Variants in TRERF1 observed in about 807,000 individuals in gnomAD.
TRERF1 encodes the protein transcriptional regulating factor 1, also known as transcriptional-regulating factor 1.
A neutral mutation model predicts 122.9 loss-of-function variants in TRERF1; 27 were observed. That is an observed-to-expected ratio of 0.22 (90% CI 0.16 to 0.30). The LOEUF (loss-of-function observed/expected upper bound fraction) is 0.30. Ranked by LOEUF, TRERF1 falls within the 10% of genes least tolerant of loss-of-function variation. The pLI is 1.00. For missense variants in TRERF1, 1,248 were observed against 1,560.3 expected (o/e 0.80, Z 3.37); for synonymous variants, 636 against 641.7 (o/e 0.99, Z 0.13).
At chr6:42,255,066 C>G in intron 12 of TRERF1, 140 bp from the exon 13 acceptor site, 1 of 717,864 alleles carries the variant, frequency 1.4e-6, no homozygotes, top group South Asian at 1.6e-5. Context: ...CAGAGGGAGA[C>G]TCCCCTAACT....
chr6:42,452,050 C>T (rs1029391253), upstream of TRERF1: 3 of 152,700 alleles, frequency 2.0e-5, no homozygotes, highest in Admixed American at 1.3e-4. Context: ...CTCGCCCCCT[C>T]CCTTAACCCT....
intron 2 of TRERF1, among the ~76,000 whole-genome samples, chr6:42,411,938 GTTTTTCATTTGGGGATTCTT>G (rs949732408): frequency 6.7e-6 from 1 of 149,380 alleles, no homozygotes; most frequent in Non-Finnish European, 1.5e-5. Flanking sequence ...CGTGGATTCT[GTTTTTCATTTGGGGATTCTT>G]TGCCTTAACA....
At chr6:42,231,697 G>A (rs2149479373) in intron 17 of TRERF1, among the ~76,000 whole-genome samples, 1 of 152,316 alleles carries the variant, frequency 6.6e-6, no homozygotes, top group East Asian at 1.9e-4. Context: ...GAAGTACACT[G>A]GAATTCTCTA....
chr6:42,396,497 A>C (rs190460300), intron 2 of TRERF1, among the ~76,000 whole-genome samples: 2 of 152,342 alleles, frequency 1.3e-5, no homozygotes, highest in Non-Finnish European at 2.9e-5. Flanking sequence ...GAGAATAATA[A>C]ATATTTTTTA....
At position 42,440,998 on chromosome 6, in the gene TRERF1, G is replaced by A. The variant is rs1489604240; in HGVS notation, c.-454+10179C>T. 2.0e-5 allele frequency among the ~76,000 whole-genome samples: 3 copies of A among 152,098 alleles called. No homozygotes were observed. The East Asian group carries it at 5.8e-4, about 29-fold the overall frequency. On this transcript the variant is annotated intron_variant, in intron 2 of 17. Coordinates refer to ENST00000372922, the Ensembl canonical transcript of TRERF1. ...TACATTACCACAATAATGATTTCCC[G>A]GTTGCATTTTTACATGCCTGCCGCT...
intron 2 of TRERF1, among the ~76,000 whole-genome samples, chr6:42,430,464 A>G (rs901144892): frequency 3.9e-5 from 6 of 152,364 alleles, no homozygotes; most frequent in African/African-American, 1.4e-4. Context: ...AATGTTAATT[A>G]ATAAGCCAGG....
chr6:42,284,378 T>C (rs917600677), intron 4 of TRERF1, among the ~76,000 whole-genome samples: 3 of 152,180 alleles, frequency 2.0e-5, no homozygotes, highest in Non-Finnish European at 4.4e-5. Context: ...CAGTCTTTAA[T>C]AGTTGTCTTG....
chr6:42,420,625 AAAAT>A lies in TRERF1; in HGVS notation c.-454+30548_-454+30551del, dbSNP rs138857290. Among the ~76,000 whole-genome samples, 887 of 152,384 alleles carry A rather than the reference AAAAT, an allele frequency of 5.8e-3. 7 individuals are homozygous for A. The highest frequency in any genetic ancestry group is 9.7e-3 in the Non-Finnish European group (661 of 68,032). ...TATTTTTAATAACTTTTAAAATCAT[AAAAT>A]AAATGTACATTTGTTACAGAAAAAT... On this transcript the variant is annotated intron_variant, in intron 2 of 17. Coordinates refer to ENST00000372922, the Ensembl canonical transcript of TRERF1.
chr6:42,320,364 T>C (rs79344027), intron 3 of TRERF1, among the ~76,000 whole-genome samples: 5,927 of 152,202 alleles, frequency 0.039, 238 homozygotes, highest in East Asian at 0.19. Context: ...GGCTCTTACA[T>C]TGACATAGGA....
In TRERF1 at chr6:42,419,743, G is replaced by A. The variant is rs564732927; in HGVS notation, c.-454+31434C>T. Among the ~76,000 whole-genome samples, 7 of 152,296 alleles carry A rather than the reference G, an allele frequency of 4.6e-5. No individual in the cohort carries two copies. In the South Asian group the frequency reaches 1.4e-3, roughly 32 times the overall value. Reference sequence around the variant, plus strand: ...AATGACAACTCCATGGTGGGGATTAGGTCATTGGCTCTGGAAGGAAACAAG... The same window carrying A: ...AATGACAACTCCATGGTGGGGATTAAGTCATTGGCTCTGGAAGGAAACAAG... On this transcript the variant is annotated intron_variant, in intron 2 of 17. Transcript: ENST00000372922.
In TRERF1 at chr6:42,299,424, C is replaced by A. The variant is rs531584975; in HGVS notation, c.-259+1214G>T. Among the ~76,000 whole-genome samples the A allele has an allele frequency of 1.4e-4, 21 of 152,270 alleles. No homozygotes were observed. In the South Asian group the frequency reaches 4.3e-3, roughly 32 times the overall value. ...AATCCCAATTCATCAATAAAATACA[C>A]CAGTTCTAAACATCTATGCACCAAA... is the stretch of plus-strand genomic sequence containing the variant. On this transcript the variant is annotated intron_variant, in intron 4 of 17. Coordinates refer to ENST00000372922, the Ensembl canonical transcript of TRERF1.
chr6:42,293,461 T>G (rs899258940), intron 4 of TRERF1, among the ~76,000 whole-genome samples: 1 of 152,058 alleles, frequency 6.6e-6, no homozygotes, highest in Non-Finnish European at 1.5e-5. Flanking sequence ...ATGGCTTGAG[T>G]GTTGTCCAAA....
At position 42,252,626 on chromosome 6, in the gene TRERF1, T is replaced by C. The variant is rs549054429; in HGVS notation, c.2656+2225A>G. Among the ~76,000 whole-genome samples the C allele has an allele frequency of 2.6e-5, 4 of 152,232 alleles. No individual in the cohort carries two copies. The East Asian group carries it at 7.7e-4, about 29-fold the overall frequency. On this transcript the variant is annotated intron_variant, in intron 13 of 17. Coordinates refer to ENST00000372922, the Ensembl canonical transcript of TRERF1. ...CAAAGGCCAAAGCAGAATGGGGCCA[T>C]GGAGATGGGATTCACTGACACCTGG...
intron 2 of TRERF1, among the ~76,000 whole-genome samples, chr6:42,435,206 G>A (rs1785137240): frequency 6.6e-6 from 1 of 152,066 alleles, no homozygotes; most frequent in African/African-American, 2.4e-5. Flanking sequence ...TTCATAGAGA[G>A]AGAATTAAAA....
chr6:42,326,982 T>C (rs942384894), intron 3 of TRERF1, among the ~76,000 whole-genome samples: 32 of 152,110 alleles, frequency 2.1e-4, no homozygotes, highest in Non-Finnish European at 8.8e-5. Context: ...TGTAGAAGCA[T>C]AGTATCTCTT....
rs115517715 is a variant in TRERF1, at chr6:42,396,934, G to A, written c.-453-33855C>T. Among the ~76,000 whole-genome samples the A allele has an allele frequency of 6.4e-3, 971 of 152,154 alleles. 8 individuals carry two copies. The highest frequency in any genetic ancestry group is 0.022 in the African/African-American group (923 of 41,486). Reference sequence around the variant, plus strand: ...ACACACACCCTGAAGGAGGCGCTGCGGCCCTCACCCACAAACCCCCTTGGG... The same window carrying A: ...ACACACACCCTGAAGGAGGCGCTGCAGCCCTCACCCACAAACCCCCTTGGG... On this transcript the variant is annotated intron_variant, in intron 2 of 17. Coordinates refer to ENST00000372922, the Ensembl canonical transcript of TRERF1.
chr6:42,418,694 CAG>C (rs1582116479), intron 2 of TRERF1, among the ~76,000 whole-genome samples: 1 of 152,230 alleles, frequency 6.6e-6, no homozygotes, highest in East Asian at 1.9e-4. Context: ...TAACCACAGG[CAG>C]AGAGAGAACT....
intron 3 of TRERF1, among the ~76,000 whole-genome samples, chr6:42,321,152 C>CA (rs34358572): frequency 0.12 from 12,606 of 103,264 alleles, 1,220 homozygotes; most frequent in African/African-American, 0.27. Context: ...TCTTCCAAGC[C>CA]AAAAAAAAAA....
At chr6:42,423,446 C>G (rs1207740137) in intron 2 of TRERF1, among the ~76,000 whole-genome samples, 1 of 152,136 alleles carries the variant, frequency 6.6e-6, no homozygotes, top group Non-Finnish European at 1.5e-5. Flanking sequence ...GCCCCATCAC[C>G]CAGCCACATC....
Sources: allele counts gnomAD v4.1 joint callset (sites outside exome capture counted in the v4.1 genomes callset), GRCh38; gene constraint gnomAD v4.1.1; transcripts MANE v1.5; gene names NCBI Gene and HGNC (gene_info 2026-07-23, HGNC 2026-07-21).